CETP: variants seen among roughly 807,000 people sequenced by gnomAD.
The protein encoded by CETP is cholesteryl ester transfer protein, also known as BPI fold containing family F.
In CETP, 56 loss-of-function variants were observed where a neutral mutation model predicts 66.5. That is an observed-to-expected ratio of 0.84 (90% CI 0.68 to 1.05). The LOEUF is 1.05. CETP is among the 50% of genes least tolerant of loss of function. CETP has a pLI of 0.00. For synonymous variants in CETP, 251 were observed against 245.7 expected, an observed-to-expected ratio of 1.02 and a Z score of -0.20; for missense variants, 612 against 609.6, an observed-to-expected ratio of 1.00 and a Z score of -0.04.
At chr16:56,982,076 G>A (rs1328258672) in intron 13 of CETP, 89 bp from the exon 14 acceptor site, 2 of 1,225,522 alleles carry the variant, frequency 1.6e-6, no homozygotes, top group Non-Finnish European at 2.4e-6. Context: ...TGGGCATGAG[G>A]ATGAATGCTT....
chr16:56,976,308 C>T (rs1162086989), intron 10 of CETP, among the ~76,000 whole-genome samples: 5 of 152,106 alleles, frequency 3.3e-5, no homozygotes, highest in East Asian at 1.9e-4. Flanking sequence ...TGCTTAAAGC[C>T]GGTGTAGGAT....
In CETP at chr16:56,983,775, G is replaced by A. The variant is rs577388047; in HGVS notation, c.*109G>A. ...GTGGTGGAAGTTGGGTTAGGAGTAC[G>A]GAGATGGAGATTGGCTCCCAACTCC... is the stretch of plus-strand genomic sequence containing the variant. On this transcript the variant is annotated 3_prime_UTR_variant, in exon 16 of 16. Transcript: ENST00000200676. 76 of 1,020,484 alleles carry A rather than the reference G, an allele frequency of 7.4e-5. No individual in the cohort carries two copies. Among genetic ancestry groups the A allele is most frequent in the African/African-American group, 2.7e-4 (17 of 63,638 alleles). 63.2% of individuals were successfully genotyped at this position (1,020,484 alleles called of 1,614,324 possible). A position where few individuals can be genotyped will look rare whatever the true frequency, so the allele number is the denominator to read the frequency against.
intron 2 of CETP, among the ~76,000 whole-genome samples, chr16:56,967,996 A>C (rs1235371631): frequency 2.0e-5 from 3 of 151,844 alleles, no homozygotes; most frequent in Admixed American, 2.0e-4. Context: ...AAAAAGAAGA[A>C]GAAGAATTTG....
chr16:56,976,386 A>G (rs1269627905), intron 10 of CETP, among the ~76,000 whole-genome samples: 1 of 151,718 alleles, frequency 6.6e-6, no homozygotes, highest in Non-Finnish European at 1.5e-5. Flanking sequence ...TTCTTCATCT[A>G]GTTGTTTCCC....
At chr16:56,964,992 A>G (rs1406397855) in intron 2 of CETP, among the ~76,000 whole-genome samples, 2 of 152,178 alleles carry the variant, frequency 1.3e-5, no homozygotes, top group East Asian at 3.9e-4. Context: ...GCGTGCCTGC[A>G]GTCCCAGCTA....
intron 9 of CETP, among the ~76,000 whole-genome samples, 158 bp downstream of exon 9, chr16:56,973,668 G>C (rs1177247240): frequency 6.6e-6 from 1 of 152,218 alleles, no homozygotes; most frequent in East Asian, 1.9e-4. Flanking sequence ...GGGCACAGTG[G>C]CTCACACCTG....
At chr16:56,983,026 T>C (rs1454199372) in intron 14 of CETP, among the ~76,000 whole-genome samples, 1 of 152,202 alleles carries the variant, frequency 6.6e-6, no homozygotes, top group Non-Finnish European at 1.5e-5. Flanking sequence ...GTTTCCTTCC[T>C]AGCAGGGTAG....
At position 56,973,383 on chromosome 16, in the gene CETP, C is replaced by T. The variant is rs747307952; in HGVS notation, c.803C>T (p.Ser268Leu). The change falls in exon 9 of 16, where the codon TCG becomes TTG. Residue 268 changes from serine to leucine, a missense_variant. By Grantham distance (145) the Ser-to-Leu change is moderately radical (BLOSUM62 -2). Transcript: ENST00000200676. Reference protein sequence around the residue: ...VSEDLPLPTFSPTLLGDSRML... With the variant: ...VSEDLPLPTFLPTLLGDSRML... ...GAGGACCTCCCCCTCCCCACCTTCT[C>T]GCCCACACTGCTGGGGGACTCCCGC... 1.0e-4 allele frequency: 164 copies of T among 1,614,094 alleles called. No individual in the cohort carries two copies. Among genetic ancestry groups the T allele is most frequent in the Non-Finnish European group, 1.2e-4 (136 of 1,180,036 alleles).
chr16:56,973,318 T>C lies in CETP; in HGVS notation c.751-13T>C. On this transcript the variant is annotated splice_polypyrimidine_tract_variant and intron_variant, in intron 8 of 15. Transcript: ENST00000200676. The stretch of plus-strand genomic sequence containing the variant: ...GACACACAGGGTCCAGCCAGCGTCC[T>C]GGCTTCCTCCAGGGTCATTTCATCT... 1.2e-6 allele frequency: 2 copies of C among 1,614,096 alleles called. No homozygotes were observed. The highest frequency in any genetic ancestry group is 2.2e-5 in the East Asian group (1 of 44,884).
intron 2 of CETP, among the ~76,000 whole-genome samples, chr16:56,966,305 G>T (rs1196427419): frequency 2.6e-5 from 4 of 152,176 alleles, no homozygotes; most frequent in African/African-American, 9.7e-5. Flanking sequence ...GGCGAGGGAA[G>T]CTTCCTGCTC....
At chr16:56,975,906 G>A (rs1211314459) in intron 10 of CETP, among the ~76,000 whole-genome samples, 8 of 152,070 alleles carry the variant, frequency 5.3e-5, no homozygotes, top group African/African-American at 1.4e-4. Context: ...GCTCCCAGTC[G>A]CAACCCACTC....
chr16:56,971,307 T>A lies in CETP; in HGVS notation c.598-14T>A. 1 of 1,613,828 alleles carries A rather than the reference T, an allele frequency of 6.2e-7. No homozygotes were observed. Among genetic ancestry groups the A allele is most frequent in the Middle Eastern group, 1.6e-4 (1 of 6,062 alleles). ...CCTTTCCTGCCTGGAAAGCACCTGC[T>A]CTGTCTGCCCCAGATCTGCAAAGAG... On this transcript the variant is annotated splice_polypyrimidine_tract_variant and intron_variant, in intron 6 of 15. Coordinates refer to ENST00000200676, the MANE Select transcript of CETP (RefSeq NM_000078.3).
At position 56,971,567 on chromosome 16, in the gene CETP, C is replaced by A. The variant is rs1532624; in HGVS notation, c.658+186C>A. Among the ~76,000 whole-genome samples the A allele has an allele frequency of 0.34, 52,329 of 152,090 alleles. 10,327 individuals are homozygous for A. The highest frequency in any genetic ancestry group is 0.48 in the South Asian group (2,294 of 4,820). ...AATCTCTGCCCCTTTGGGCTGCAGC[C>A]TCACAAGCTGTGTGGCGTTGGGCAA... On this transcript the variant is annotated intron_variant, in intron 7 of 15. Coordinates refer to ENST00000200676, the MANE Select transcript of CETP (RefSeq NM_000078.3).
chr16:56,975,271 G>A, intron 10 of CETP, 120 bp downstream of exon 10: 1 of 846,796 alleles, frequency 1.2e-6, no homozygotes. Flanking sequence ...AGCGAACACA[G>A]CTCCTACTCG....
intron 11 of CETP, among the ~76,000 whole-genome samples, chr16:56,979,517 A>AAT: frequency 6.6e-6 from 1 of 150,506 alleles, no homozygotes; most frequent in East Asian, 2.0e-4. Context: ...AATATCTTCA[A>AAT]TTTTTTTTTT....
At chr16:56,981,575 G>A in intron 12 of CETP, 72 bp from the exon 13 acceptor site, 1 of 1,542,038 alleles carries the variant, frequency 6.5e-7, no homozygotes, top group Non-Finnish European at 9.0e-7. Flanking sequence ...TATTCTTAGA[G>A]TTTCTTTCCC....
rs2056191859 is a variant in CETP at position 56,982,022 on chromosome 16, TG to T, written c.1249-139del. 5.0e-6 allele frequency: 4 copies of T among 806,224 alleles called. No individual in the cohort carries two copies. The East Asian group carries it at 1.0e-4, about 21-fold the overall frequency. The allele number at this position is 806,224 out of a possible 1,614,324, so 49.9% of individuals were successfully genotyped here. A position where few individuals can be genotyped will look rare whatever the true frequency, so the allele number is the denominator to read the frequency against. On this transcript the variant is annotated intron_variant, in intron 13 of 15. Transcript: ENST00000200676. ...AAGACCACTCAGGAAGGGCACCGTC[TG>T]GGGCAGGAAAACGGAGTGGGTTGGA...
rs1440625982 is a variant in CETP, at chr16:56,983,642, G to A, written c.1458G>A (p.Val486=). 1.2e-6 allele frequency: 2 copies of A among 1,614,134 alleles called. No individual in the cohort carries two copies. The highest frequency in any genetic ancestry group is 1.7e-5 in the Admixed American group (1 of 60,018). Residue 486 remains valine (V), a synonymous_variant, in exon 16 of 16, where the codon GTG becomes GTA. Coordinates refer to ENST00000200676, the MANE Select transcript of CETP (RefSeq NM_000078.3). ...MDFGFPEHLL[V]DFLQSLS ...TTGGCTTCCCTGAGCACCTGCTGGTGGATTTCCTCCAGAGCTTGAGCTAGA... is the reference window on the plus strand; with the variant it reads ...TTGGCTTCCCTGAGCACCTGCTGGTAGATTTCCTCCAGAGCTTGAGCTAGA...
At chr16:56,977,374 C>T (rs367643217) in intron 10 of CETP, among the ~76,000 whole-genome samples, 2 of 152,144 alleles carry the variant, frequency 1.3e-5, no homozygotes, top group East Asian at 3.8e-4. Flanking sequence ...TGGCTGCCTG[C>T]GCATTCCTTA....
Sources: allele counts gnomAD v4.1 joint callset (sites outside exome capture counted in the v4.1 genomes callset), GRCh38; gene constraint gnomAD v4.1.1; transcripts MANE v1.5; gene names NCBI Gene and HGNC (gene_info 2026-07-23, HGNC 2026-07-21).